Variants in ASTN1 observed in about 807,000 individuals in gnomAD.
The protein encoded by ASTN1 is astrotactin-1.
ASTN1 carries 41 observed loss-of-function variants against 140.7 expected under a neutral mutation model. The ratio of observed to expected loss-of-function variants is 0.29; its 90% CI spans 0.23 to 0.38. ASTN1 has a LOEUF of 0.38. Ranked by LOEUF, ASTN1 falls within the 10% of genes least tolerant of loss-of-function variation. The pLI is 1.00. For synonymous variants in ASTN1, 640 were observed against 652.2 expected (o/e 0.98, Z 0.29); for missense variants, 1,479 against 1,678.8 (o/e 0.88, Z 2.08).
chr1:176,959,697 T>G (rs547797490), intron 9 of ASTN1, among the ~76,000 whole-genome samples: 10 of 152,206 alleles, frequency 6.6e-5, no homozygotes, highest in African/African-American at 2.4e-4. Context: ...CGCAGGGGAT[T>G]TCCAGGGGCC....
intron 2 of ASTN1, among the ~76,000 whole-genome samples, chr1:177,045,626 A>G (rs182466722): frequency 3.2e-4 from 49 of 152,312 alleles, no homozygotes; most frequent in African/African-American, 1.2e-3. Context: ...GGATACGGCT[A>G]TGTTTTTAGA....
At chr1:176,943,036 A>G (rs2103106321) in intron 14 of ASTN1, among the ~76,000 whole-genome samples, 1 of 151,316 alleles carries the variant, frequency 6.6e-6, no homozygotes, top group Non-Finnish European at 1.5e-5. Flanking sequence ...TTCTGGGTCT[A>G]CAAAGGTATT....
At chr1:177,111,379 T>C (rs1041872766) in intron 1 of ASTN1, among the ~76,000 whole-genome samples, 1 of 152,318 alleles carries the variant, frequency 6.6e-6, no homozygotes, top group South Asian at 2.1e-4. Context: ...TTAATGTGCA[T>C]GTGAATCACT....
chr1:177,089,754 G>A (rs1028305), intron 1 of ASTN1, among the ~76,000 whole-genome samples: 69,776 of 151,870 alleles, frequency 0.46, 17,504 homozygotes, highest in Non-Finnish European at 0.57. Context: ...GGTCCTCTGG[G>A]TTCTTTCTCA....
intron 1 of ASTN1, among the ~76,000 whole-genome samples, chr1:177,083,401 A>G (rs1052051678): frequency 1.3e-5 from 2 of 152,140 alleles, no homozygotes; most frequent in Non-Finnish European, 2.9e-5. Flanking sequence ...GCTGTTCTGA[A>G]AGCAACATTC....
intron 1 of ASTN1, among the ~76,000 whole-genome samples, chr1:177,157,385 C>T (rs182478036): frequency 6.6e-5 from 10 of 152,140 alleles, no homozygotes; most frequent in East Asian, 3.9e-4. Context: ...GTAGGATCTC[C>T]GCTCACTGCA....
chr1:177,123,508 T>C (rs1681497864), intron 1 of ASTN1, among the ~76,000 whole-genome samples: 1 of 152,164 alleles, frequency 6.6e-6, no homozygotes, highest in Non-Finnish European at 1.5e-5. Flanking sequence ...TTTTCCCTTG[T>C]TACAGATGAG....
At chr1:176,983,327 G>A (rs920048356) in intron 8 of ASTN1, among the ~76,000 whole-genome samples, 34 of 152,198 alleles carry the variant, frequency 2.2e-4, no homozygotes, top group African/African-American at 8.2e-4. Context: ...TCCCTTCCCT[G>A]CCTCGCAGCC....
intron 11 of ASTN1, among the ~76,000 whole-genome samples, chr1:176,955,803 C>G (rs184993482): frequency 4.6e-5 from 7 of 152,332 alleles, no homozygotes; most frequent in Admixed American, 4.6e-4. Context: ...GAGAGCCTAA[C>G]CCTGTGTTTG....
At chr1:177,029,154 TA>T (rs541413561) in intron 5 of ASTN1, among the ~76,000 whole-genome samples, 11 of 152,230 alleles carry the variant, frequency 7.2e-5, no homozygotes, top group Admixed American at 2.0e-4. Flanking sequence ...GGCAGGGGCT[TA>T]AAGGTCAAAG....
intron 1 of ASTN1, among the ~76,000 whole-genome samples, chr1:177,119,677 TCC>T (rs1681279915): frequency 6.6e-6 from 1 of 152,236 alleles, no homozygotes; most frequent in African/African-American, 2.4e-5. Flanking sequence ...TTCCTAGGAC[TCC>T]GTATACTCCT....
At chr1:176,887,976 C>G in intron 18 of ASTN1, 95 bp downstream of exon 18, 1 of 1,531,828 alleles carries the variant, frequency 6.5e-7, no homozygotes, top group Non-Finnish European at 8.9e-7. Context: ...TCATATTTTT[C>G]TTTGTTTCCC....
chr1:176,995,568 G>T (rs892771533), intron 8 of ASTN1, among the ~76,000 whole-genome samples: 4 of 152,174 alleles, frequency 2.6e-5, no homozygotes, highest in Non-Finnish European at 5.9e-5. Context: ...CTCTGCAAGA[G>T]ATTCAATGTC....
chr1:177,131,934 C>T (rs12084444), intron 1 of ASTN1, among the ~76,000 whole-genome samples: 23,260 of 152,030 alleles, frequency 0.15, 3,575 homozygotes, highest in African/African-American at 0.4. Flanking sequence ...AAGGTGAGAA[C>T]TCACTCACCC....
chr1:177,009,917 T>C (rs1675205267), intron 8 of ASTN1, among the ~76,000 whole-genome samples: 1 of 152,210 alleles, frequency 6.6e-6, no homozygotes, highest in African/African-American at 2.4e-5. Context: ...TGTTGCCCTC[T>C]GTATCTGAGA....
At chr1:176,966,955 A>G (rs1672918867) in intron 8 of ASTN1, among the ~76,000 whole-genome samples, 1 of 152,152 alleles carries the variant, frequency 6.6e-6, no homozygotes, top group Non-Finnish European at 1.5e-5. Flanking sequence ...ACATAATAAA[A>G]GGGGTTAAAA....
At chr1:176,869,110 T>C (rs1046729457) in intron 21 of ASTN1, 83 bp from the exon 22 acceptor site, 1 of 982,652 alleles carries the variant, frequency 1.0e-6, no homozygotes, top group Non-Finnish European at 1.4e-6. Context: ...ATGATCTATA[T>C]CATATAGACA....
chr1:176,864,878 A>G (rs886485277), intron 22 of ASTN1, among the ~76,000 whole-genome samples: 1 of 152,234 alleles, frequency 6.6e-6, no homozygotes, highest in African/African-American at 2.4e-5. Context: ...ATTTATCATC[A>G]CTAAATGACA....
intron 1 of ASTN1, among the ~76,000 whole-genome samples, chr1:177,078,995 C>T (rs890846554): frequency 1.3e-5 from 2 of 152,102 alleles, no homozygotes; most frequent in African/African-American, 4.8e-5. Flanking sequence ...CTCCTAATGC[C>T]ACCAAATGGA....
Sources: allele counts gnomAD v4.1 joint callset (sites outside exome capture counted in the v4.1 genomes callset), GRCh38; gene constraint gnomAD v4.1.1; transcripts MANE v1.5; gene names NCBI Gene and HGNC (gene_info 2026-07-23, HGNC 2026-07-21).